C8orf34: variants seen among roughly 807,000 people sequenced by gnomAD.
The protein encoded by C8orf34 is uncharacterized protein C8orf34.
In C8orf34, 65 loss-of-function variants were observed where a neutral mutation model predicts 68.3. That is an observed-to-expected ratio of 0.95 (90% CI 0.78 to 1.17). The LOEUF (loss-of-function observed/expected upper bound fraction) is 1.17. Among genes scored for constraint, C8orf34 ranks in the 50% most tolerant of loss-of-function variants. The probability of loss-of-function intolerance (pLI) is 0.00; values close to 1 mark genes in which losing one functional copy is unlikely to be tolerated. For synonymous variants in C8orf34, 244 were observed against 241.2 expected, an observed-to-expected ratio of 1.01 and a Z score of -0.11; for missense variants, 664 against 655.4, an observed-to-expected ratio of 1.01 and a Z score of -0.14.
intron 7 of C8orf34, among the ~76,000 whole-genome samples, chr8:68,554,600 T>C (rs963469185): frequency 6.6e-6 from 1 of 152,150 alleles, no homozygotes; most frequent in African/African-American, 2.4e-5. Context: ...GTTTTCTTCA[T>C]AGTTTATTAA....
At chr8:68,612,001 T>A (rs1230503429) in intron 7 of C8orf34, among the ~76,000 whole-genome samples, 1 of 152,150 alleles carries the variant, frequency 6.6e-6, no homozygotes, top group Non-Finnish European at 1.5e-5. Flanking sequence ...TGCCTTTTCC[T>A]GGAAAGTTCA....
chr8:68,404,841 T>G (rs1416595868), intron 1 of C8orf34, among the ~76,000 whole-genome samples: 4 of 152,194 alleles, frequency 2.6e-5, no homozygotes, highest in Admixed American at 2.6e-4. Flanking sequence ...TGCTTAGGAT[T>G]GTCTTGGCTA....
intron 7 of C8orf34, among the ~76,000 whole-genome samples, chr8:68,633,624 A>G (rs1027336722): frequency 1.2e-4 from 18 of 152,306 alleles, no homozygotes; most frequent in Non-Finnish European, 2.4e-4. Context: ...CCAGCTTACC[A>G]AATTTCTTCT....
At chr8:68,639,515 G>A (rs945225876) in intron 7 of C8orf34, among the ~76,000 whole-genome samples, 2 of 152,078 alleles carry the variant, frequency 1.3e-5, no homozygotes, top group Non-Finnish European at 2.9e-5. Flanking sequence ...GTCATCAGAA[G>A]ATGGTGATTT....
intron 8 of C8orf34, among the ~76,000 whole-genome samples, chr8:68,645,441 G>C (rs1038665105): frequency 6.6e-6 from 1 of 152,106 alleles, no homozygotes; most frequent in African/African-American, 2.4e-5. Context: ...TCATTTTCCT[G>C]ACATTGAGTG....
chr8:68,399,084 T>G (rs1452153152), intron 1 of C8orf34, among the ~76,000 whole-genome samples: 1 of 152,182 alleles, frequency 6.6e-6, no homozygotes, highest in Non-Finnish European at 1.5e-5. Flanking sequence ...TTTTTCAGGA[T>G]GAAACTGTAT....
At chr8:68,427,924 GATT>G (rs1328312830) in intron 1 of C8orf34, among the ~76,000 whole-genome samples, 1 of 147,978 alleles carries the variant, frequency 6.8e-6, no homozygotes, top group Non-Finnish European at 1.5e-5. Context: ...AAATAAGAAA[GATT>G]ATTTCATCCT....
intron 1 of C8orf34, among the ~76,000 whole-genome samples, chr8:68,383,500 A>G (rs1192146448): frequency 1.3e-5 from 2 of 152,206 alleles, no homozygotes; most frequent in African/African-American, 4.8e-5. Flanking sequence ...TGAAATACAT[A>G]TTCCCTTCAA....
intron 7 of C8orf34, among the ~76,000 whole-genome samples, chr8:68,638,094 C>G (rs1195085832): frequency 6.6e-6 from 1 of 152,162 alleles, no homozygotes; most frequent in Non-Finnish European, 1.5e-5. Context: ...CACCAGGGAT[C>G]TTGATCCAAT....
Position 68,613,665 on chromosome 8 carries a change from A to C in C8orf34, c.1106-26711A>C, listed in dbSNP as rs574468540. Among the ~76,000 whole-genome samples, 17 of 151,734 alleles carry C rather than the reference A, an allele frequency of 1.1e-4. No homozygotes were observed. The East Asian group carries it at 2.9e-3, about 26-fold the overall frequency. ...TAGTATTCCATGGTGTATATGTGCC[A>C]CATTTTCTTAATCCAGTCTATCATT... On this transcript the variant is annotated intron_variant, in intron 7 of 13. Transcript: ENST00000518698.
In C8orf34 at chr8:68,331,258, C is replaced by G. The variant is rs990169206; in HGVS notation, c.246C>G (p.Ser82=). 5 of 1,536,378 alleles carry G rather than the reference C, an allele frequency of 3.3e-6. No homozygotes were observed. The highest frequency in any genetic ancestry group is 3.5e-6 in the Non-Finnish European group (4 of 1,146,962). The change falls in exon 1 of 14, where the codon TCC becomes TCG. Residue 82 remains serine, a synonymous_variant. Transcript: ENST00000518698. ...PRVLPALSSR[S]HLFPMASHPQ... ...TTCTCCCTGCACTCTCTTCGCGGTCCCATCTGTTCCCCATGGCGTCTCATC... is the reference window on the plus strand; with the variant it reads ...TTCTCCCTGCACTCTCTTCGCGGTCGCATCTGTTCCCCATGGCGTCTCATC...
Position 68,560,076 on chromosome 8 carries a change from A to G in C8orf34, c.1105+26927A>G, listed in dbSNP as rs1461130707. ...GTCAGAATGGGACTTTGCATTCCAT[A>G]TTAAATGGTTTGGAAATCAGTGGAA... On this transcript the variant is annotated intron_variant, in intron 7 of 13. Transcript: ENST00000518698. Among the ~76,000 whole-genome samples, 3 of 152,172 alleles carry G rather than the reference A, an allele frequency of 2.0e-5. No homozygotes were observed. The East Asian group carries it at 5.8e-4, about 29-fold the overall frequency.
intron 8 of C8orf34, among the ~76,000 whole-genome samples, chr8:68,688,379 T>A (rs1248473443): frequency 3.3e-5 from 5 of 151,950 alleles, no homozygotes; most frequent in Admixed American, 3.3e-4. Context: ...AATGAATGGA[T>A]AAAGAAAATG....
At chr8:68,427,218 T>C (rs1294662859) in intron 1 of C8orf34, among the ~76,000 whole-genome samples, 4 of 152,102 alleles carry the variant, frequency 2.6e-5, no homozygotes, top group Non-Finnish European at 5.9e-5. Flanking sequence ...ACCTCATGTG[T>C]ACAAAAAAAC....
chr8:68,811,548 CGCAGCA>C (rs1824652975), intron 12 of C8orf34, among the ~76,000 whole-genome samples: 1 of 152,196 alleles, frequency 6.6e-6, no homozygotes. Context: ...CTGGTGTCTT[CGCAGCA>C]GCCGCTCCAG....
At chr8:68,437,697 CTGAT>C (rs1213836597) in intron 1 of C8orf34, among the ~76,000 whole-genome samples, 3 of 152,138 alleles carry the variant, frequency 2.0e-5, no homozygotes, top group African/African-American at 7.2e-5. Context: ...CCTGTGACAA[CTGAT>C]TGTTTGCTTA....
intron 4 of C8orf34, among the ~76,000 whole-genome samples, chr8:68,471,487 A>G (rs1434478090): frequency 6.6e-6 from 1 of 152,162 alleles, no homozygotes; most frequent in Admixed American, 6.5e-5. Context: ...GAGTTTAGCT[A>G]TGTAATGGCA....
chr8:68,558,693 G>T (rs2130134616), intron 7 of C8orf34, among the ~76,000 whole-genome samples: 1 of 152,140 alleles, frequency 6.6e-6, no homozygotes, highest in Non-Finnish European at 1.5e-5. Flanking sequence ...ATATAAAAAT[G>T]GGCTAATTAT....
intron 8 of C8orf34, among the ~76,000 whole-genome samples, chr8:68,664,453 T>C (rs1819776845): frequency 6.6e-6 from 1 of 152,180 alleles, no homozygotes; most frequent in African/African-American, 2.4e-5. Flanking sequence ...GTAAAAACCA[T>C]ACTTCAAGTA....
Sources: allele counts gnomAD v4.1 joint callset (sites outside exome capture counted in the v4.1 genomes callset), GRCh38; gene constraint gnomAD v4.1.1; transcripts MANE v1.5; gene names NCBI Gene and HGNC (gene_info 2026-07-23, HGNC 2026-07-21).